The following SDK2 variants were observed in gnomAD, a reference collection of about 807,000 sequenced individuals.
The protein encoded by SDK2 is protein sidekick-2.
In SDK2, 105 loss-of-function variants were observed where a neutral mutation model predicts 253.9. That is an observed-to-expected ratio of 0.41 (90% CI 0.35 to 0.49). SDK2 has a LOEUF of 0.49. SDK2 is among the 20% of genes least tolerant of loss of function. The pLI is 0.06. For missense variants in SDK2, 2,608 were observed against 3,003.0 expected (o/e 0.87, Z 3.07); for synonymous variants, 1,249 against 1,234.9 (o/e 1.01, Z -0.24).
chr17:73,363,826 C>CG (rs2062661490), intron 38 of SDK2, among the ~76,000 whole-genome samples: 2 of 152,044 alleles, frequency 1.3e-5, no homozygotes, highest in Admixed American at 6.6e-5. Context: ...TACCTTGTCT[C>CG]GGGGACTGCT....
intron 1 of SDK2, among the ~76,000 whole-genome samples, chr17:73,557,150 G>A (rs935164003): frequency 6.6e-6 from 1 of 152,206 alleles, no homozygotes. Context: ...TGGGAATAAT[G>A]AGAACTCATT....
Position 73,361,975 on chromosome 17 carries a change from G to T in SDK2, c.5306-130C>A. The T allele has an allele frequency of 2.5e-6, 2 of 800,868 alleles. No homozygotes were observed. The highest frequency in any genetic ancestry group is 3.8e-6 in the Non-Finnish European group (2 of 521,436). 49.6% of individuals were successfully genotyped at this position (800,868 alleles called of 1,614,324 possible). A position where few individuals can be genotyped will look rare whatever the true frequency, so the allele number is the denominator to read the frequency against. On this transcript the variant is annotated intron_variant, in intron 38 of 44. Transcript: ENST00000392650. This position sits in a 1 kb window ranked among gnomAD's most constrained non-coding sequence, Gnocchi z 4.1. ...TAGGGGCCTCACTCCTTGAGGTCAG[G>T]CTGAAATGCACCCCCAGCCCACACA...
rs905280554 is a variant in SDK2, at chr17:73,639,674, C to T, written c.64+4351G>A. ...CGCACACTAACACCCGACATCAATT[C>T]CAACTCAGCCTCCTGCCTCCCAGAG... On this transcript the variant is annotated intron_variant, in intron 1 of 44. Transcript: ENST00000392650. This position sits in a 1 kb window ranked among gnomAD's most constrained non-coding sequence, Gnocchi z 4.3. 2.0e-5 allele frequency among the ~76,000 whole-genome samples: 3 copies of T among 152,170 alleles called. No individual in the cohort carries two copies. The highest frequency in any genetic ancestry group is 4.8e-5 in the African/African-American group (2 of 41,442).
At chr17:73,396,935 C>T (rs2062975783) in intron 24 of SDK2, among the ~76,000 whole-genome samples, 1 of 152,246 alleles carries the variant, frequency 6.6e-6, no homozygotes, top group South Asian at 2.1e-4. Flanking sequence ...AAGGGAACTG[C>T]AATCAATAAC....
intron 38 of SDK2, among the ~76,000 whole-genome samples, chr17:73,364,213 T>C (rs1451515512): frequency 6.6e-6 from 1 of 152,174 alleles, no homozygotes; most frequent in Non-Finnish European, 1.5e-5. Context: ...CAGGGATTTC[T>C]TGGCATGTTA....
In SDK2 at chr17:73,592,756, C is replaced by T. The variant is rs892817329; in HGVS notation, c.64+51269G>A. On this transcript the variant is annotated intron_variant, in intron 1 of 44. Transcript: ENST00000392650. ...GCACACCCTGGCGGCTCCCCATTTC[C>T]GGAAGGAGGACAGGAACGGAGGTCC... 8.5e-5 allele frequency among the ~76,000 whole-genome samples: 13 copies of T among 152,180 alleles called. No homozygotes were observed. In the East Asian group the frequency reaches 1.9e-3, roughly 23 times the overall value.
At chr17:73,355,028 T>C (rs12938296) in intron 40 of SDK2, among the ~76,000 whole-genome samples, 51,464 of 149,832 alleles carry the variant, frequency 0.34, 9,847 homozygotes, top group East Asian at 0.65. Flanking sequence ...CCAGTGTGGA[T>C]CCTTCCAATT....
At position 73,354,746 on chromosome 17, in the gene SDK2, A is replaced by C. The variant is rs374169877; in HGVS notation, c.5594-2109T>G. ...GCCTTAACTTCCCCTAGCCTGCCCC[A>C]ACCAAGCACCTCCAGTCTCTCACAT... On this transcript the variant is annotated intron_variant, in intron 40 of 44. Transcript: ENST00000392650. 6.2e-5 allele frequency among the ~76,000 whole-genome samples: 5 copies of C among 80,660 alleles called. No homozygotes were observed. The East Asian group carries it at 1.3e-3, about 21-fold the overall frequency. 52.9% of individuals were successfully genotyped at this position (80,660 alleles called of 152,430 possible).
At chr17:73,440,358 A>C (rs1354028621) in intron 6 of SDK2, among the ~76,000 whole-genome samples, 1 of 152,032 alleles carries the variant, frequency 6.6e-6, no homozygotes, top group Non-Finnish European at 1.5e-5. Flanking sequence ...CGCCCGCCTC[A>C]GCCTCCCAAA....
chr17:73,515,626 G>A (rs546052186), intron 1 of SDK2, among the ~76,000 whole-genome samples: 1 of 152,224 alleles, frequency 6.6e-6, no homozygotes, highest in Non-Finnish European at 1.5e-5. Flanking sequence ...ATGCAGGCGT[G>A]GGGGCCAAGT....
intron 40 of SDK2, among the ~76,000 whole-genome samples, chr17:73,356,645 G>T (rs966334867): frequency 6.6e-6 from 1 of 152,190 alleles, no homozygotes; most frequent in African/African-American, 2.4e-5. Context: ...ACAGCAGCCT[G>T]CTCTCAAACA....
intron 1 of SDK2, among the ~76,000 whole-genome samples, chr17:73,605,338 G>C (rs571239276): frequency 9.8e-5 from 15 of 152,288 alleles, no homozygotes; most frequent in Middle Eastern, 3.4e-3. Context: ...CCAGGTGAGG[G>C]GGCGGGATCC....
chr17:73,396,713 C>T (rs551948992), intron 24 of SDK2, among the ~76,000 whole-genome samples: 73 of 152,340 alleles, frequency 4.8e-4, no homozygotes, highest in Non-Finnish European at 7.8e-4. Flanking sequence ...CCTTTCTATT[C>T]CCCCATGCAG....
In SDK2 at chr17:73,582,691, T is replaced by C. The variant is rs145133395; in HGVS notation, c.64+61334A>G. Among the ~76,000 whole-genome samples, 685 of 152,254 alleles carry C rather than the reference T, an allele frequency of 4.5e-3. 2 individuals are homozygous for C. Among genetic ancestry groups the C allele is most frequent in the Middle Eastern group, 0.01 (3 of 294 alleles). ...TGAATGGTGCCTTCATCTGCTCTTCTTAGCCAGCACCCCCAGAAAGGAACA... is the reference window on the plus strand; with the variant it reads ...TGAATGGTGCCTTCATCTGCTCTTCCTAGCCAGCACCCCCAGAAAGGAACA... On this transcript the variant is annotated intron_variant, in intron 1 of 44. Transcript: ENST00000392650.
At chr17:73,615,134 G>A (rs757519818) in intron 1 of SDK2, among the ~76,000 whole-genome samples, 17 of 152,050 alleles carry the variant, frequency 1.1e-4, no homozygotes, top group Non-Finnish European at 1.8e-4. Context: ...TCTTTGAACC[G>A]TGCCTGACAC....
intron 1 of SDK2, among the ~76,000 whole-genome samples, chr17:73,636,972 A>C (rs1391580813): frequency 6.6e-6 from 1 of 152,170 alleles, no homozygotes; most frequent in East Asian, 1.9e-4. Context: ...ACAGAGGTTG[A>C]GAATGTTAAG....
rs2063593688 is a variant in SDK2 at position 73,465,921 on chromosome 17, T to C, written c.331+6191A>G. Among the ~76,000 whole-genome samples, 1 of 152,158 alleles carries C rather than the reference T, an allele frequency of 6.6e-6. No individual in the cohort carries two copies. Among genetic ancestry groups the C allele is most frequent in the Admixed American group, 6.5e-5 (1 of 15,278 alleles). On this transcript the variant is annotated intron_variant, in intron 3 of 44. Transcript: ENST00000392650. The surrounding 1 kb of genome is among the most constrained non-coding windows in gnomAD (Gnocchi z 4.2). ...ACCATACCCCACCCTCTCTCAGAAC[T>C]GTGTGCCATCTGCGTGTGTGTGTAA...
rs2046431449 is a variant in SDK2 at position 73,643,997 on chromosome 17, C to T, written c.64+28G>A. Reference sequence around the variant, plus strand: ...CCCGCCCACTCTCCCAGCCCCCTCCCTGTCCCCACGTGGGGGTCCCTCCTT... The same window carrying T: ...CCCGCCCACTCTCCCAGCCCCCTCCTTGTCCCCACGTGGGGGTCCCTCCTT... On this transcript the variant is annotated intron_variant, in intron 1 of 44. Transcript: ENST00000392650. The surrounding 1 kb of genome is among the most constrained non-coding windows in gnomAD (Gnocchi z 6.9). The T allele has an allele frequency of 2.0e-6, 3 of 1,531,978 alleles. No homozygotes were observed. The highest frequency in any genetic ancestry group is 2.7e-6 in the Non-Finnish European group (3 of 1,131,698). 94.9% of individuals were successfully genotyped at this position (1,531,978 alleles called of 1,614,324 possible).
At chr17:73,390,601 C>G (rs1335353319) in intron 28 of SDK2, 120 bp from the exon 29 acceptor site, 17 of 1,055,150 alleles carry the variant, frequency 1.6e-5, no homozygotes, top group African/African-American at 4.8e-5. Context: ...TTGCCGTGGT[C>G]CCTTTGGCTG....
Sources: gnomAD v4.1 joint callset for allele counts (sites outside exome capture counted in the v4.1 genomes callset) on GRCh38, gnomAD v4.1.1 for gene constraint, Gnocchi (gnomAD v3.1) non-coding constraint, MANE v1.5 for transcripts, NCBI Gene and HGNC (gene_info 2026-07-23, HGNC 2026-07-21) for gene names.